The following SHISA9 variants were observed in gnomAD, a reference collection of about 807,000 sequenced individuals.
The protein encoded by SHISA9 is shisa family member 9, also known as protein shisa-9.
A neutral mutation model predicts 38.0 loss-of-function variants in SHISA9; 13 were observed. The observed-to-expected ratio is 0.34, with a 90% CI of 0.22 to 0.54. The LOEUF (loss-of-function observed/expected upper bound fraction) is 0.54, where lower values mean the gene tolerates loss of function less well. SHISA9 is among the 20% of genes least tolerant of loss of function. SHISA9 has a pLI of 0.91. For missense variants in SHISA9, 538 were observed against 575.8 expected (o/e 0.93, Z 0.67); for synonymous variants, 275 against 242.0 (o/e 1.14, Z -1.27).
At chr16:13,266,202 T>C in the SHISA9 span, among the ~76,000 whole-genome samples, 1 of 152,182 alleles carries the variant, frequency 6.6e-6, no homozygotes, top group South Asian at 2.1e-4. Context: ...TTGGGCACAT[T>C]CCCAAAGGCA....
chr16:12,902,471 C>T lies in SHISA9; in HGVS notation c.407C>T (p.Ala136Val), dbSNP rs1396914450. 1 of 1,551,546 alleles carries T rather than the reference C, an allele frequency of 6.4e-7. No homozygotes were observed. The highest frequency in any genetic ancestry group is 2.0e-5 in the Admixed American group (1 of 51,012). ...PLWLNTGKPP[A>V]RKDDPLHDPT... is the part of the protein sequence containing the mutation. Reference sequence around the variant, plus strand: ...TGGCTCAACACCGGCAAGCCCCCCGCCCGCAAGGACGACCCCTTGCACGAC... The same window carrying T: ...TGGCTCAACACCGGCAAGCCCCCCGTCCGCAAGGACGACCCCTTGCACGAC... The change falls in exon 1 of 5, where the codon GCC (alanine) becomes GTC (valine). Residue 136 changes from alanine to valine, a missense_variant. This residue lies in a region of SHISA9 where 88 missense variants were observed against 109.7 expected (regional missense o/e 0.80). Transcript: ENST00000558583.
At position 12,986,856 on chromosome 16, in the gene SHISA9, T is replaced by C. The variant is rs187859044; in HGVS notation, c.691+70041T>C. Among the ~76,000 whole-genome samples, 376 of 152,340 alleles carry C rather than the reference T, an allele frequency of 2.5e-3. 1 individual carries two copies. Among genetic ancestry groups the C allele is most frequent in the African/African-American group, 8.8e-3 (364 of 41,582 alleles). ...AGGCAAAGGAACCTGCCCAGGTTCA[T>C]GTGGTTTGCAAGATCTGGAGTTAAA... On this transcript the variant is annotated intron_variant, in intron 2 of 4. Transcript: ENST00000558583.
chr16:13,181,553 A>T (rs1406167686), intron 2 of SHISA9, among the ~76,000 whole-genome samples: 2 of 151,948 alleles, frequency 1.3e-5, no homozygotes, highest in Non-Finnish European at 2.9e-5. Context: ...ACCTTGTCAT[A>T]CATGGTATGG....
the SHISA9 span, among the ~76,000 whole-genome samples, chr16:13,381,906 A>G: frequency 6.6e-6 from 1 of 152,230 alleles, no homozygotes; most frequent in African/African-American, 2.4e-5. Flanking sequence ...AATGAATTTT[A>G]AAATAGGTAA....
chr16:12,936,045 A>G (rs1280075971), intron 2 of SHISA9, among the ~76,000 whole-genome samples: 1 of 152,092 alleles, frequency 6.6e-6, no homozygotes, highest in Non-Finnish European at 1.5e-5. Context: ...GACAAATGGA[A>G]GGCTTAGAAG....
At chr16:13,302,655 G>A in the SHISA9 span, among the ~76,000 whole-genome samples, 1 of 152,190 alleles carries the variant, frequency 6.6e-6, no homozygotes, top group Non-Finnish European at 1.5e-5. Flanking sequence ...CCCCAGGAAT[G>A]GCCACGGCCC....
intron 2 of SHISA9, among the ~76,000 whole-genome samples, chr16:12,991,625 A>T (rs938610938): frequency 6.6e-6 from 1 of 152,172 alleles, no homozygotes; most frequent in Non-Finnish European, 1.5e-5. Flanking sequence ...ATAATTACTC[A>T]ATTAACGTCA....
At chr16:13,291,608 T>A in the SHISA9 span, among the ~76,000 whole-genome samples, 10 of 152,340 alleles carry the variant, frequency 6.6e-5, no homozygotes, top group South Asian at 2.1e-3. Flanking sequence ...GAGCATGTGA[T>A]CACATATATG....
the SHISA9 span, among the ~76,000 whole-genome samples, chr16:13,285,474 T>TG: frequency 6.7e-6 from 1 of 149,304 alleles, no homozygotes; most frequent in African/African-American, 2.5e-5. Context: ...TTTTTTTTTT[T>TG]TTTTTTTTTT....
chr16:13,101,518 C>T (rs1319395100), intron 2 of SHISA9, among the ~76,000 whole-genome samples: 1 of 152,218 alleles, frequency 6.6e-6, no homozygotes, highest in Non-Finnish European at 1.5e-5. Flanking sequence ...CTGAAGGCGT[C>T]AGGCCAATCT....
At chr16:13,128,698 AT>A (rs2050282014) in intron 2 of SHISA9, among the ~76,000 whole-genome samples, 2 of 152,144 alleles carry the variant, frequency 1.3e-5, no homozygotes, top group Non-Finnish European at 2.9e-5. Flanking sequence ...AGTCTAGCTT[AT>A]GTCCCACTGG....
the SHISA9 span, among the ~76,000 whole-genome samples, chr16:13,477,349 G>C: frequency 6.8e-3 from 1,040 of 152,292 alleles, 13 homozygotes; most frequent in African/African-American, 0.023. Context: ...CTCAGAGAAA[G>C]TGATAGAGAA....
intron 1 of SHISA9, among the ~76,000 whole-genome samples, chr16:12,912,197 C>T (rs6498361): frequency 6.7e-6 from 1 of 149,380 alleles, no homozygotes; most frequent in South Asian, 2.3e-4. Context: ...TGAGCGAGCC[C>T]CACTTCAAAG....
chr16:13,071,108 T>G (rs981165752), intron 2 of SHISA9, among the ~76,000 whole-genome samples: 1 of 151,900 alleles, frequency 6.6e-6, no homozygotes, highest in Admixed American at 6.5e-5. Flanking sequence ...GATGGTGTGA[T>G]GTTTGCACAA....
At chr16:12,976,605 G>A (rs931115829) in intron 2 of SHISA9, among the ~76,000 whole-genome samples, 12 of 152,294 alleles carry the variant, frequency 7.9e-5, no homozygotes, top group African/African-American at 2.9e-4. Context: ...TCAGGCTGAA[G>A]GTACTTTCCT....
At chr16:13,361,385 A>G in the SHISA9 span, among the ~76,000 whole-genome samples, 1 of 152,212 alleles carries the variant, frequency 6.6e-6, no homozygotes, top group Non-Finnish European at 1.5e-5. Flanking sequence ...CTCCTGATCA[A>G]TCACCAAATC....
chr16:13,528,423 A>C, the SHISA9 span, among the ~76,000 whole-genome samples: 1 of 151,984 alleles, frequency 6.6e-6, no homozygotes, highest in South Asian at 2.1e-4. Context: ...AAAAAAAAAA[A>C]TAAGAAAAAA....
intron 1 of SHISA9, chr16:12,911,470 A>G (rs2071182743): frequency 1.3e-6 from 1 of 774,014 alleles, no homozygotes; most frequent in Non-Finnish European, 1.6e-6. Context: ...GATTAGGTAC[A>G]TTATGAAGCA....
the SHISA9 span, among the ~76,000 whole-genome samples, chr16:13,368,915 G>GT: frequency 2.4e-3 from 366 of 152,204 alleles, 3 homozygotes; most frequent in African/African-American, 8.6e-3. Flanking sequence ...ATCATAAAAT[G>GT]TTTTTTCCTG....
Sources: allele counts gnomAD v4.1 joint callset (sites outside exome capture counted in the v4.1 genomes callset), GRCh38; gene constraint gnomAD v4.1.1; regional missense constraint gnomAD v4.1.1; transcripts MANE v1.5; gene names NCBI Gene and HGNC (gene_info 2026-07-23, HGNC 2026-07-21).